RGS6: variants seen among roughly 807,000 people sequenced by gnomAD.
RGS6 encodes regulator of G-protein signaling 6.
Under a neutral mutation model 78.5 loss-of-function variants are expected in RGS6, and 30 were observed. The observed-to-expected ratio is 0.38, with a 90% CI of 0.29 to 0.52. RGS6 has a LOEUF of 0.52. Among genes scored for constraint, RGS6 ranks in the 20% least tolerant of loss-of-function variants. RGS6 has a pLI of 0.85. For missense variants in RGS6, 495 were observed against 609.7 expected (o/e 0.81, Z 1.98); for synonymous variants, 206 against 206.0 (o/e 1.00, Z 0.00).
intron 2 of RGS6, among the ~76,000 whole-genome samples, chr14:72,308,446 T>G (rs1385716722): frequency 6.6e-6 from 1 of 152,196 alleles, no homozygotes; most frequent in African/African-American, 2.4e-5. Context: ...ACTTTTTATC[T>G]TGCTTTAGAA....
intron 7 of RGS6, among the ~76,000 whole-genome samples, chr14:72,469,185 C>A (rs953672917): frequency 1.3e-5 from 2 of 149,886 alleles, no homozygotes; most frequent in African/African-American, 4.9e-5. Flanking sequence ...ACATCACAAA[C>A]GTAGACACTC....
intron 3 of RGS6, among the ~76,000 whole-genome samples, chr14:72,365,560 CAAATT>C (rs1365115813): frequency 6.6e-6 from 1 of 152,144 alleles, no homozygotes; most frequent in Admixed American, 6.5e-5. Flanking sequence ...TTCCATCTCA[CAAATT>C]AAATTTGTTT....
the RGS6 span, among the ~76,000 whole-genome samples, chr14:71,903,512 G>A: frequency 6.6e-6 from 1 of 152,220 alleles, no homozygotes; most frequent in Non-Finnish European, 1.5e-5. Flanking sequence ...TCAGAAAGAA[G>A]GTGGGTTTCC....
intron 1 of RGS6, among the ~76,000 whole-genome samples, chr14:71,960,658 C>T (rs776166549): frequency 1.8e-4 from 28 of 152,334 alleles, no homozygotes; most frequent in Admixed American, 3.3e-4. Flanking sequence ...CAGATAGTTG[C>T]GAATCCCTGT....
chr14:72,478,332 A>G lies in RGS6; in HGVS notation c.854+3A>G, dbSNP rs2153358752. The stretch of plus-strand genomic sequence containing the variant: ...AAAATGTCCAAAGTGGCTGAAAGGT[A>G]TGTTTTCCTTTAATAATATTACTAC... On this transcript the variant is annotated splice_donor_region_variant and intron_variant, in intron 12 of 17. Transcript: ENST00000553525. 1 of 1,593,580 alleles carries G rather than the reference A, an allele frequency of 6.3e-7. No individual in the cohort carries two copies. Among genetic ancestry groups the G allele is most frequent in the Middle Eastern group, 1.7e-4 (1 of 5,864 alleles).
intron 2 of RGS6, among the ~76,000 whole-genome samples, chr14:72,186,670 C>T (rs1410637283): frequency 6.6e-6 from 1 of 152,192 alleles, no homozygotes; most frequent in Non-Finnish European, 1.5e-5. Flanking sequence ...ATGATTACTA[C>T]AGGCCTTAGT....
At chr14:72,215,185 T>G (rs1490940599) in intron 2 of RGS6, among the ~76,000 whole-genome samples, 1 of 152,210 alleles carries the variant, frequency 6.6e-6, no homozygotes, top group Non-Finnish European at 1.5e-5. Flanking sequence ...CTTCTCTTCC[T>G]CCTTTTCTAG....
the RGS6 span, among the ~76,000 whole-genome samples, chr14:72,617,494 T>C: frequency 6.6e-6 from 1 of 152,048 alleles, no homozygotes; most frequent in Non-Finnish European, 1.5e-5. Context: ...GGAAATTACT[T>C]ATGAGGAAGA....
At chr14:72,048,668 A>G (rs1293806566) in intron 2 of RGS6, among the ~76,000 whole-genome samples, 1 of 152,042 alleles carries the variant, frequency 6.6e-6, no homozygotes, top group East Asian at 1.9e-4. Flanking sequence ...CCTTTGTTAC[A>G]GCGACACTTT....
chr14:71,917,727 T>A, the RGS6 span, among the ~76,000 whole-genome samples: 7 of 152,204 alleles, frequency 4.6e-5, no homozygotes, highest in Middle Eastern at 3.2e-3. Flanking sequence ...CTGGGAGATG[T>A]GAGTTCTGTT....
chr14:71,966,052 C>A (rs905411931), intron 2 of RGS6, among the ~76,000 whole-genome samples: 2 of 152,146 alleles, frequency 1.3e-5, no homozygotes, highest in Admixed American at 1.3e-4. Flanking sequence ...TTAGTACATG[C>A]TGAATTTGAC....
chr14:72,264,232 C>A (rs907772323), intron 2 of RGS6, among the ~76,000 whole-genome samples: 1 of 152,172 alleles, frequency 6.6e-6, no homozygotes, highest in Admixed American at 6.5e-5. Context: ...TAAGTGCTAC[C>A]TTTGTTGGAC....
At chr14:72,547,303 T>G (rs760100237) in intron 17 of RGS6, 49 of 1,535,330 alleles carry the variant, frequency 3.2e-5, no homozygotes, top group Non-Finnish European at 3.5e-6. Context: ...CTGCCTGTGG[T>G]CCAGACTGGA....
At chr14:72,243,611 A>G (rs540743880) in intron 2 of RGS6, among the ~76,000 whole-genome samples, 4 of 152,294 alleles carry the variant, frequency 2.6e-5, no homozygotes, top group East Asian at 1.9e-4. Context: ...GGATATTTCT[A>G]TTTCAGCCAG....
rs113795613 is a variant in RGS6 at position 72,249,738 on chromosome 14, A to C, written c.85-102357A>C. Among the ~76,000 whole-genome samples, 1,042 of 152,268 alleles carry C rather than the reference A, an allele frequency of 6.8e-3. 12 individuals are homozygous for C. Among genetic ancestry groups the C allele is most frequent in the Non-Finnish European group, 6.0e-3 (406 of 68,026 alleles). On this transcript the variant is annotated intron_variant, in intron 2 of 17. Transcript: ENST00000553525. ...TGATGTGTTGATTCAAGTGAGGAGT[A>C]AGAGGGGTGAGAAACTGTGAGAAAA...
chr14:72,317,571 A>G (rs571195320), intron 2 of RGS6, among the ~76,000 whole-genome samples: 228 of 152,274 alleles, frequency 1.5e-3, no homozygotes, highest in African/African-American at 5.0e-3. Flanking sequence ...TCGAAGGTCA[A>G]TACTTGATTT....
intron 5 of RGS6, 34 bp from the exon 6 acceptor site, chr14:72,459,598 G>C (rs774422904): frequency 3.1e-6 from 5 of 1,610,690 alleles, no homozygotes; most frequent in Non-Finnish European, 4.2e-6. Context: ...GGCATGGCGC[G>C]CCCCTGAGCA....
chr14:72,124,826 G>C (rs1288961652), intron 2 of RGS6, among the ~76,000 whole-genome samples: 2 of 152,098 alleles, frequency 1.3e-5, no homozygotes, highest in African/African-American at 2.4e-5. Context: ...GGAAATTAAG[G>C]ACTGACTTGA....
chr14:71,871,416 A>G, the RGS6 span, among the ~76,000 whole-genome samples: 1 of 152,084 alleles, frequency 6.6e-6, no homozygotes, highest in African/African-American at 2.4e-5. Context: ...TGATTTCCAT[A>G]TTCTTTCCTC....
Sources: gnomAD v4.1 joint callset for allele counts (sites outside exome capture counted in the v4.1 genomes callset) on GRCh38, gnomAD v4.1.1 for gene constraint, MANE v1.5 for transcripts, NCBI Gene and HGNC (gene_info 2026-07-23, HGNC 2026-07-21) for gene names.